Variants in SYNE1 observed in about 807,000 individuals in gnomAD.
The protein encoded by SYNE1 is nesprin-1.
In SYNE1, 616 loss-of-function variants were observed where a neutral mutation model predicts 1,111.0. The ratio of observed to expected loss-of-function variants is 0.55; its 90% CI spans 0.52 to 0.59. The LOEUF is 0.59. SYNE1 is among the 20% of genes least tolerant of loss of function. The probability of loss-of-function intolerance (pLI) is 0.00; values close to 1 mark genes in which losing one functional copy is unlikely to be tolerated. For missense variants in SYNE1, 10,006 were observed against 10,417.0 expected, an observed-to-expected ratio of 0.96 and a Z score of 1.72; for synonymous variants, 3,855 against 3,825.8, an observed-to-expected ratio of 1.01 and a Z score of -0.28.
At chr6:152,403,086 A>T (rs978329899) in intron 46 of SYNE1, among the ~76,000 whole-genome samples, 1 of 152,180 alleles carries the variant, frequency 6.6e-6, no homozygotes, top group African/African-American at 2.4e-5. Context: ...CAAAGTAGCA[A>T]ATCAAAGAGA....
intron 122 of SYNE1, among the ~76,000 whole-genome samples, chr6:152,214,653 C>T (rs563012683): frequency 1.3e-5 from 2 of 152,268 alleles, no homozygotes; most frequent in Non-Finnish European, 2.9e-5. Context: ...TTCTGCCTTC[C>T]ACTGTGTGAG....
chr6:152,462,504 A>C (rs2098740356), intron 20 of SYNE1: 1 of 596,786 alleles, frequency 1.7e-6, no homozygotes, highest in South Asian at 2.2e-5. Flanking sequence ...ACTTGGTTGT[A>C]GAAAAAAAAA....
At chr6:152,420,008 T>C (rs996323912) in intron 39 of SYNE1, among the ~76,000 whole-genome samples, 2 of 152,196 alleles carry the variant, frequency 1.3e-5, no homozygotes, top group African/African-American at 4.8e-5. Context: ...GCATAACATA[T>C]GTTCCAAAAT....
chr6:152,565,455 C>T (rs1048608505), intron 3 of SYNE1, among the ~76,000 whole-genome samples: 3 of 152,136 alleles, frequency 2.0e-5, no homozygotes, highest in Non-Finnish European at 1.5e-5. Context: ...CTTATTAATA[C>T]TCTTTGGCAT....
chr6:152,214,208 A>G (rs117117535), intron 122 of SYNE1, among the ~76,000 whole-genome samples: 8,201 of 151,686 alleles, frequency 0.054, 333 homozygotes, highest in East Asian at 0.14. Flanking sequence ...AAAAAAAAAA[A>G]AAGAAGAAAG....
At chr6:152,191,233 CTTT>C (rs34434403) in intron 127 of SYNE1, among the ~76,000 whole-genome samples, 50,844 of 140,146 alleles carry the variant, frequency 0.36, 8,759 homozygotes, top group African/African-American at 0.42. Flanking sequence ...TATAATTTTC[CTTT>C]TTTTTTTTTT....
At position 152,536,342 on chromosome 6, in the gene SYNE1, TAAC is replaced by T. The variant is rs1564707737; in HGVS notation, c.129+3615_129+3617del. ...CAATATATATAGTAATATATATATA[TAAC>T]TATATATATAGTATACTAATATATA... On this transcript the variant is annotated intron_variant, in intron 4 of 145. Transcript: ENST00000367255. Among the ~76,000 whole-genome samples the T allele has an allele frequency of 3.2e-5, 4 of 124,610 alleles. No homozygotes were observed. In the East Asian group the frequency reaches 9.8e-4, roughly 30 times the overall value. The allele number at this position is 124,610 out of a possible 152,430, so 81.7% of individuals were successfully genotyped here. A position where few individuals can be genotyped will look rare whatever the true frequency, so the allele number is the denominator to read the frequency against.
At chr6:152,590,463 A>G (rs2099555883) in intron 3 of SYNE1, among the ~76,000 whole-genome samples, 1 of 151,684 alleles carries the variant, frequency 6.6e-6, no homozygotes, top group Admixed American at 6.6e-5. Flanking sequence ...AAAAACTATT[A>G]TTATTATATT....
At chr6:152,441,104 T>C in intron 32 of SYNE1, 26 bp downstream of exon 32, 1 of 1,612,700 alleles carries the variant, frequency 6.2e-7, no homozygotes, top group Non-Finnish European at 8.5e-7. Flanking sequence ...TTTCTGAATA[T>C]TGGGTACCAA....
At chr6:152,288,146 A>T (rs1257632344) in intron 95 of SYNE1, among the ~76,000 whole-genome samples, 1 of 149,788 alleles carries the variant, frequency 6.7e-6, no homozygotes, top group Non-Finnish European at 1.5e-5. Context: ...TTTTACACTG[A>T]TCCTTCTGTA....
At chr6:152,182,743 C>T (rs566252451) in intron 128 of SYNE1, among the ~76,000 whole-genome samples, 3 of 152,298 alleles carry the variant, frequency 2.0e-5, no homozygotes, top group South Asian at 2.1e-4. Flanking sequence ...GCCCAGGATA[C>T]GTATCCCAAG....
At position 152,163,415 on chromosome 6, in the gene SYNE1, C is replaced by A. The variant is rs958715988; in HGVS notation, c.23790+748G>T. Among the ~76,000 whole-genome samples the A allele has an allele frequency of 2.7e-5, 4 of 149,234 alleles. No homozygotes were observed. In the East Asian group the frequency reaches 8.0e-4, roughly 30 times the overall value. On this transcript the variant is annotated intron_variant, in intron 131 of 145. Coordinates refer to ENST00000367255, the MANE Select transcript of SYNE1 (RefSeq NM_182961.4). ...TTGGGAGGCTGAGGCAGGAGAATCG[C>A]TTAAACCTGGGAAGTGGAGGTTGCA...
intron 32 of SYNE1, among the ~76,000 whole-genome samples, chr6:152,436,309 T>G (rs981248868): frequency 2.0e-5 from 3 of 152,250 alleles, no homozygotes. Context: ...TTATTTTATT[T>G]CTTTTTTTTT....
intron 4 of SYNE1, among the ~76,000 whole-genome samples, chr6:152,537,469 AAG>A (rs2099248956): frequency 1.3e-5 from 2 of 152,078 alleles, no homozygotes; most frequent in African/African-American, 2.4e-5. Context: ...AAATGTAAAA[AAG>A]AAAAAATAAT....
intron 130 of SYNE1, chr6:152,167,896 A>G: frequency 1.3e-6 from 1 of 748,998 alleles, no homozygotes; most frequent in Non-Finnish European, 2.5e-6. Context: ...AAGTCCATTA[A>G]CCTTTTTGTC....
chr6:152,469,214 C>T (rs2098790359), intron 16 of SYNE1, among the ~76,000 whole-genome samples: 1 of 152,138 alleles, frequency 6.6e-6, no homozygotes, highest in South Asian at 2.1e-4. Flanking sequence ...GAATGATTTT[C>T]CATAACACTC....
intron 127 of SYNE1, 43 bp from the exon 128 acceptor site, chr6:152,189,450 C>T (rs1474207401): frequency 6.3e-7 from 1 of 1,599,608 alleles, no homozygotes; most frequent in South Asian, 1.1e-5. Context: ...ACATCTCCTG[C>T]CAATGATTTC....
At chr6:152,472,495 G>A (rs1437085059) in intron 14 of SYNE1, 82 bp from the exon 15 acceptor site, 61 of 1,260,686 alleles carry the variant, frequency 4.8e-5, no homozygotes, top group Middle Eastern at 1.9e-4. Flanking sequence ...AGCCCGCACC[G>A]ATGAGTCAAT....
At chr6:152,445,732 C>T (rs1163731883) in intron 29 of SYNE1, among the ~76,000 whole-genome samples, 1 of 151,760 alleles carries the variant, frequency 6.6e-6, no homozygotes, top group African/African-American at 2.4e-5. Context: ...TTTTTTCTTA[C>T]ACTGGACAAT....
Sources: gnomAD v4.1 joint callset for allele counts (sites outside exome capture counted in the v4.1 genomes callset) on GRCh38, gnomAD v4.1.1 for gene constraint, MANE v1.5 for transcripts, NCBI Gene and HGNC (gene_info 2026-07-23, HGNC 2026-07-21) for gene names.